PERP: variants seen among roughly 807,000 people sequenced by gnomAD.
PERP encodes the protein p53 apoptosis effector related to PMP-22.
In PERP, 11 loss-of-function variants were observed where a neutral mutation model predicts 20.3. The ratio of observed to expected loss-of-function variants is 0.54; its 90% CI spans 0.34 to 0.90. The LOEUF is 0.90. Ranked by LOEUF, PERP falls within the 40% of genes least tolerant of loss-of-function variation. PERP has a pLI of 0.02. For missense variants in PERP, 224 were observed against 249.4 expected, an observed-to-expected ratio of 0.90 and a Z score of 0.69; for synonymous variants, 101 against 102.0, an observed-to-expected ratio of 0.99 and a Z score of 0.06.
intron 1 of PERP, 54 bp from the exon 2 acceptor site, chr6:138,096,548 AT>A: frequency 2.6e-6 from 4 of 1,550,802 alleles, no homozygotes; most frequent in Non-Finnish European, 3.5e-6. Flanking sequence ...AAGTTTAAAA[AT>A]TACTTATCAC....
chr6:138,090,920 T>TA lies in PERP; in HGVS notation c.*1121dup, dbSNP rs1485865960. ...TGTAAGTCGAAATGGTAAAAAATCA[T>TA]AATGACCTATCCGATGCATCATATA... On this transcript the variant is annotated 3_prime_UTR_variant, in exon 3 of 3. Transcript: ENST00000421351. 4 of 152,670 alleles carry TA rather than the reference T, an allele frequency of 2.6e-5. No individual in the cohort carries two copies. The East Asian group carries it at 7.7e-4, about 29-fold the overall frequency. 9.5% of individuals were successfully genotyped at this position (152,670 alleles called of 1,614,324 possible).
chr6:138,095,285 C>CT (rs1293291495), intron 2 of PERP, among the ~76,000 whole-genome samples: 1 of 152,168 alleles, frequency 6.6e-6, no homozygotes, highest in African/African-American at 2.4e-5. Context: ...TCAACAGAAA[C>CT]TGTCAAATGT....
chr6:138,098,891 G>A (rs1261701453), intron 1 of PERP, among the ~76,000 whole-genome samples: 2 of 152,106 alleles, frequency 1.3e-5, no homozygotes, highest in Non-Finnish European at 2.9e-5. Context: ...TCAGACCACT[G>A]AGAGACTTGA....
intron 2 of PERP, among the ~76,000 whole-genome samples, chr6:138,095,253 G>A (rs1321879299): frequency 6.6e-6 from 1 of 152,184 alleles, no homozygotes. Flanking sequence ...GAAAATATGA[G>A]GATCAGAAAC....
chr6:138,092,063 C>G lies in PERP; in HGVS notation c.561G>C (p.Arg187Ser). 1 of 1,613,926 alleles carries G rather than the reference C, an allele frequency of 6.2e-7. No homozygotes were observed. Among genetic ancestry groups the G allele is most frequent in the Non-Finnish European group, 8.5e-7 (1 of 1,179,926 alleles). The change falls in exon 3 of 3, where the codon AGG becomes AGC. Residue 187 changes from arginine (R) to serine (S), a missense_variant. Physicochemically the swap from Arg to Ser is moderately radical, Grantham distance 110. Coordinates refer to ENST00000421351, the MANE Select transcript of PERP (RefSeq NM_022121.5). ...EDDLLGNAKP[R>S]YFYTSA is the part of the protein sequence containing the mutation. ...CAAGTTAGGCAGATGTGTAGAAGTA[C>G]CTGGGCTTGGCATTGCCCAGAAGGT...
chr6:138,096,493 C>G lies in PERP; in HGVS notation c.216G>C (p.Ala72=). The G allele has an allele frequency of 4.4e-6, 7 of 1,604,296 alleles. No homozygotes were observed. In the South Asian group the frequency reaches 7.9e-5, roughly 18 times the overall value. ...GCATGGCAGCCGCTGCTCTACCCCA[C>G]GCTGCAAGAAAAAAAGAAACAGCAA... ...EEGCQSLMEY[A]WGRAAAAMLF... Residue 72 remains alanine (A), a splice_region_variant and synonymous_variant, in exon 2 of 3, where the codon GCG becomes GCC. Transcript: ENST00000421351.
At chr6:138,098,362 G>A (rs1452087543) in intron 1 of PERP, among the ~76,000 whole-genome samples, 1 of 152,098 alleles carries the variant, frequency 6.6e-6, no homozygotes, top group Non-Finnish European at 1.5e-5. Context: ...GCTGGACCTC[G>A]TTTGGACCCT....
chr6:138,107,182 T>G lies in PERP; in HGVS notation c.159A>C (p.Gln53His). The G allele has an allele frequency of 6.2e-7, 1 of 1,612,116 alleles. No individual in the cohort carries two copies. The highest frequency in any genetic ancestry group is 8.5e-7 in the Non-Finnish European group (1 of 1,179,540). The change falls in exon 1 of 3, where the codon CAA becomes CAC. Residue 53 changes from glutamine to histidine, a missense_variant. Gln to His is a conservative substitution (Grantham distance 24, BLOSUM62 0). Transcript: ENST00000421351. This position sits in a 1 kb window ranked among gnomAD's most constrained non-coding sequence, Gnocchi z 4.8. ...CGTAGGACCCGCTGCCGCCGCCCTC[T>G]TGGGAGCATTTCCACCACAGCGAGG... Reference protein sequence around the residue: ...QTSSLWWKCSQEGGGSGSYEE... With the variant: ...QTSSLWWKCSHEGGGSGSYEE...
At chr6:138,099,106 A>G (rs575733180) in intron 1 of PERP, among the ~76,000 whole-genome samples, 1 of 152,346 alleles carries the variant, frequency 6.6e-6, no homozygotes, top group East Asian at 1.9e-4. Context: ...AGGCAAAATA[A>G]GCAGTAGTGC....
At position 138,107,353 on chromosome 6, in the gene PERP, C is replaced by T. The variant is rs773561078; in HGVS notation, c.-13G>A. On this transcript the variant is annotated 5_prime_UTR_variant, in exon 1 of 3. Coordinates refer to ENST00000421351, the MANE Select transcript of PERP (RefSeq NM_022121.5). This position sits in a 1 kb window ranked among gnomAD's most constrained non-coding sequence, Gnocchi z 4.8. ...CGCAGCGGATCATGTTGACGGGCGGCGCGGGGCCGAGCGGAGCGGAGCGGA... is the reference window on the plus strand; with the variant it reads ...CGCAGCGGATCATGTTGACGGGCGGTGCGGGGCCGAGCGGAGCGGAGCGGA... 1.3e-6 allele frequency: 2 copies of T among 1,579,328 alleles called. No individual in the cohort carries two copies. The highest frequency in any genetic ancestry group is 1.1e-5 in the South Asian group (1 of 87,172).
chr6:138,095,661 G>C (rs567406418), intron 2 of PERP, among the ~76,000 whole-genome samples: 5 of 152,220 alleles, frequency 3.3e-5, no homozygotes, highest in Admixed American at 2.6e-4. Flanking sequence ...ATCTAACTCC[G>C]TGGCTAGGGT....
chr6:138,096,442 C>G lies in PERP; in HGVS notation c.267G>C (p.Val89=), dbSNP rs1775694331. The G allele has an allele frequency of 1.9e-6, 3 of 1,613,828 alleles. No homozygotes were observed. The highest frequency in any genetic ancestry group is 2.2e-5 in the South Asian group (2 of 91,060). The change falls in exon 2 of 3, where the codon GTG becomes GTC. Residue 89 remains valine, a synonymous_variant. Transcript: ENST00000421351. ...CGAAGAAGGAGAGGATGAAACAGAT[C>G]ACCAGGATGATGAAGCCACAGAAGA... is the stretch of plus-strand genomic sequence containing the variant. ...AMLFCGFIIL[V]ICFILSFFAL...
Position 138,107,277 on chromosome 6 carries a change from C to G in PERP, c.64G>C (p.Ala22Pro). 1 of 1,611,266 alleles carries G rather than the reference C, an allele frequency of 6.2e-7. No individual in the cohort carries two copies. The highest frequency in any genetic ancestry group is 8.5e-7 in the Non-Finnish European group (1 of 1,179,588). The change falls in exon 1 of 3, where the codon GCC becomes CCC. Residue 22 changes from alanine to proline, a missense_variant. Physicochemically the swap from Ala to Pro is conservative, Grantham distance 27. Transcript: ENST00000421351. This position sits in a 1 kb window ranked among gnomAD's most constrained non-coding sequence, Gnocchi z 4.8. Reference protein sequence around the residue: ...RWILPLLLLSAIAFDIIALAG... With the variant: ...RWILPLLLLSPIAFDIIALAG... ...AGCGCGATGATGTCGAAGGCGATGG[C>G]GCTGAGTAGGAGCAGGGGCAGGATC...
intron 1 of PERP, among the ~76,000 whole-genome samples, chr6:138,097,479 T>C (rs1420152309): frequency 6.6e-6 from 1 of 152,220 alleles, no homozygotes; most frequent in African/African-American, 2.4e-5. Flanking sequence ...TTTTTATATA[T>C]ATTTTTTAAT....
chr6:138,107,052 C>T lies in PERP; in HGVS notation c.214+75G>A. ...CCCCCGACCCTGTGAGGGCCCATCA[C>T]GCGCGGCGGCTTTTGCAGGCCGCGG... On this transcript the variant is annotated intron_variant, in intron 1 of 2. Transcript: ENST00000421351. This position sits in a 1 kb window ranked among gnomAD's most constrained non-coding sequence, Gnocchi z 4.8. 6.9e-7 allele frequency: 1 copy of T among 1,451,650 alleles called. No homozygotes were observed. 89.9% of individuals were successfully genotyped at this position (1,451,650 alleles called of 1,614,324 possible). A position where few individuals can be genotyped will look rare whatever the true frequency, so the allele number is the denominator to read the frequency against.
intron 1 of PERP, among the ~76,000 whole-genome samples, chr6:138,098,970 A>G (rs568383219): frequency 3.9e-5 from 6 of 152,238 alleles, no homozygotes; most frequent in African/African-American, 4.8e-5. Flanking sequence ...GTTAAAACTT[A>G]GTAAGTCTCT....
At position 138,089,290 on chromosome 6, in the gene PERP, C is replaced by G. The variant is rs536213662; in HGVS notation, c.*2752G>C. On this transcript the variant is annotated 3_prime_UTR_variant, in exon 3 of 3. Transcript: ENST00000421351. ...GAGTTTACAGAAAAAAAAAATAAAC[C>G]GAATTAAGTTATGATGACTATATTT... is the stretch of plus-strand genomic sequence containing the variant. 6.6e-6 allele frequency: 1 copy of G among 150,916 alleles called. No homozygotes were observed. The highest frequency in any genetic ancestry group is 1.5e-5 in the Non-Finnish European group (1 of 67,938). The allele number at this position is 150,916 out of a possible 1,614,324, so 9.3% of individuals were successfully genotyped here.
At chr6:138,101,693 G>A (rs1357004340) in intron 1 of PERP, among the ~76,000 whole-genome samples, 1 of 152,054 alleles carries the variant, frequency 6.6e-6, no homozygotes, top group Non-Finnish European at 1.5e-5. Flanking sequence ...GTTTCTATAA[G>A]GCTCTTTAAG....
chr6:138,099,383 G>A (rs1775740592), intron 1 of PERP, among the ~76,000 whole-genome samples: 1 of 152,034 alleles, frequency 6.6e-6, no homozygotes, highest in African/African-American at 2.4e-5. Context: ...GTTCAATTAA[G>A]TCCAATAGTT....
Sources: gnomAD v4.1 joint callset for allele counts (sites outside exome capture counted in the v4.1 genomes callset) on GRCh38, gnomAD v4.1.1 for gene constraint, Gnocchi (gnomAD v3.1) non-coding constraint, MANE v1.5 for transcripts, NCBI Gene and HGNC (gene_info 2026-07-23, HGNC 2026-07-21) for gene names.